Variants in KCNQ1 observed in about 807,000 individuals in gnomAD.
The protein encoded by KCNQ1 is potassium voltage-gated channel subfamily KQT member 1.
Under a neutral mutation model 72.4 loss-of-function variants are expected in KCNQ1, and 49 were observed. That is an observed-to-expected ratio of 0.68 (90% CI 0.54 to 0.86). The LOEUF (loss-of-function observed/expected upper bound fraction) is 0.86, where lower values mean the gene tolerates loss of function less well. Ranked by LOEUF, KCNQ1 falls within the 40% of genes least tolerant of loss-of-function variation. The pLI is 0.00. For synonymous variants in KCNQ1, 450 were observed against 412.6 expected (o/e 1.09, Z -1.10); for missense variants, 790 against 945.1 (o/e 0.84, Z 2.15).
At chr11:2,574,089 C>T (rs761755358) in intron 6 of KCNQ1, among the ~76,000 whole-genome samples, 78 of 152,310 alleles carry the variant, frequency 5.1e-4, no homozygotes, top group South Asian at 2.1e-4. Flanking sequence ...AGGGGGAACA[C>T]GTGGGTACCC....
chr11:2,729,744 G>A (rs777145645), intron 11 of KCNQ1, among the ~76,000 whole-genome samples: 2 of 152,216 alleles, frequency 1.3e-5, no homozygotes, highest in Non-Finnish European at 2.9e-5. Flanking sequence ...GGGGGCTTGA[G>A]TACCTGTGGA....
rs1196659086 is a variant in KCNQ1 at position 2,611,080 on chromosome 11, A to G, written c.1393+22226A>G. 2.5e-6 allele frequency: 1 copy of G among 398,254 alleles called. No homozygotes were observed. Among genetic ancestry groups the G allele is most frequent in the East Asian group, 3.6e-5 (1 of 28,054 alleles). The allele number at this position is 398,254 out of a possible 1,614,324, so 24.7% of individuals were successfully genotyped here. On this transcript the variant is annotated intron_variant, in intron 10 of 15. Transcript: ENST00000155840. The surrounding 1 kb of genome is among the most constrained non-coding windows in gnomAD (Gnocchi z 5.3). ...CTTCAGGGCTGTGTTTTTAGCTGTTATAAATTTTTATTTCTTTATGACTTC... is the reference window on the plus strand; with the variant it reads ...CTTCAGGGCTGTGTTTTTAGCTGTTGTAAATTTTTATTTCTTTATGACTTC...
chr11:2,449,616 G>T (rs903315353), intron 1 of KCNQ1, among the ~76,000 whole-genome samples: 9 of 152,308 alleles, frequency 5.9e-5, no homozygotes, highest in African/African-American at 2.2e-4. Context: ...CCCACCCTAT[G>T]TGTGCTCCAG....
In KCNQ1 at chr11:2,509,897, G is replaced by T. The variant is rs1269207473; in HGVS notation, c.387-18031G>T. ...ATGCCCATGGAGGTGACAAGTGACA[G>T]CCGGGAACAGACCCACTGCCAGGGC... On this transcript the variant is annotated intron_variant, in intron 1 of 15. Coordinates refer to ENST00000155840, the MANE Select transcript of KCNQ1 (RefSeq NM_000218.3). The surrounding 1 kb of genome is among the most constrained non-coding windows in gnomAD (Gnocchi z 6.3). Among the ~76,000 whole-genome samples, 2 of 152,182 alleles carry T rather than the reference G, an allele frequency of 1.3e-5. No homozygotes were observed. Among genetic ancestry groups the T allele is most frequent in the Non-Finnish European group, 2.9e-5 (2 of 68,032 alleles).
chr11:2,587,832 C>T, intron 9 of KCNQ1, 140 bp downstream of exon 9: 1 of 1,218,744 alleles, frequency 8.2e-7, no homozygotes. Context: ...TCGTTCGGGA[C>T]ACTGGGCCAT....
chr11:2,806,121 G>A (rs1277263873), intron 15 of KCNQ1, among the ~76,000 whole-genome samples: 1 of 152,228 alleles, frequency 6.6e-6, no homozygotes, highest in Non-Finnish European at 1.5e-5. Flanking sequence ...GGGGTGGGAG[G>A]TGGTGCCCAA....
intron 15 of KCNQ1, among the ~76,000 whole-genome samples, chr11:2,835,121 G>A (rs1314318459): frequency 3.9e-5 from 6 of 152,176 alleles, no homozygotes; most frequent in South Asian, 2.1e-4. Flanking sequence ...TGGGTCAGCC[G>A]CAGCTGCAAA....
intron 10 of KCNQ1, chr11:2,616,136 A>G: frequency 2.5e-6 from 1 of 397,778 alleles, no homozygotes; most frequent in Non-Finnish European, 4.4e-6. Context: ...GTTGGTATAC[A>G]GTTATTCATA....
Position 2,458,692 on chromosome 11 carries a change from G to GATCT in KCNQ1, c.386+13209_386+13212dup, listed in dbSNP as rs1371873785. ...GGATGGATGGATGGATGGATCGATCGATCTCACCAAGCCTCGTGCTCTAAG... is the reference window on the plus strand; with the variant it reads ...GGATGGATGGATGGATGGATCGATCGATCTATCTCACCAAGCCTCGTGCTCTAAG... On this transcript the variant is annotated intron_variant, in intron 1 of 15. Transcript: ENST00000155840. The surrounding 1 kb of genome is among the most constrained non-coding windows in gnomAD (Gnocchi z 4.6). 2.0e-5 allele frequency among the ~76,000 whole-genome samples: 3 copies of GATCT among 147,430 alleles called. No homozygotes were observed. The highest frequency in any genetic ancestry group is 7.6e-5 in the African/African-American group (3 of 39,380).
intron 15 of KCNQ1, among the ~76,000 whole-genome samples, chr11:2,837,762 G>A (rs1848106093): frequency 6.6e-6 from 1 of 152,236 alleles, no homozygotes; most frequent in African/African-American, 2.4e-5. Flanking sequence ...AGGAGGCAGG[G>A]CCAGCCCATG....
At chr11:2,575,465 G>A (rs982508079) in intron 6 of KCNQ1, among the ~76,000 whole-genome samples, 5 of 152,232 alleles carry the variant, frequency 3.3e-5, no homozygotes, top group Admixed American at 3.3e-4. Context: ...TATGGGCTGT[G>A]TTCCTGGCAT....
At position 2,815,918 on chromosome 11, in the gene KCNQ1, G is replaced by A. The variant is rs754275685; in HGVS notation, c.1795-31849G>A. Among the ~76,000 whole-genome samples the A allele has an allele frequency of 3.3e-5, 5 of 152,196 alleles. No individual in the cohort carries two copies. The highest frequency in any genetic ancestry group is 4.4e-5 in the Non-Finnish European group (3 of 68,036). On this transcript the variant is annotated intron_variant, in intron 15 of 15. Coordinates refer to ENST00000155840, the MANE Select transcript of KCNQ1 (RefSeq NM_000218.3). This position sits in a 1 kb window ranked among gnomAD's most constrained non-coding sequence, Gnocchi z 5.4. ...CCGAAAAATTAAGCACCGCTGAGTCGCCGCACACCTGTCAGGGTGGAGGGG... is the reference window on the plus strand; with the variant it reads ...CCGAAAAATTAAGCACCGCTGAGTCACCGCACACCTGTCAGGGTGGAGGGG...
At chr11:2,577,344 G>T (rs1358028025) in intron 6 of KCNQ1, among the ~76,000 whole-genome samples, 1 of 152,196 alleles carries the variant, frequency 6.6e-6, no homozygotes, top group Non-Finnish European at 1.5e-5. Flanking sequence ...GGACTGTTTC[G>T]GCCCAGGAGC....
At chr11:2,665,464 G>A (rs2283180) in intron 11 of KCNQ1, 1 of 396,682 alleles carries the variant, frequency 2.5e-6, no homozygotes, top group Non-Finnish European at 4.4e-6. Context: ...GCACGACAGT[G>A]GGTGGGGACG....
intron 10 of KCNQ1, chr11:2,610,267 C>A (rs1848957644): frequency 2.5e-6 from 1 of 397,916 alleles, no homozygotes; most frequent in Non-Finnish European, 4.4e-6. Context: ...AGAAGTTATT[C>A]CTGTATGAGT....
In KCNQ1 at chr11:2,657,838, CA is replaced by C. The variant is rs1211321423; in HGVS notation, c.1394-4122del. ...AGTTTGGATTTGTCTGGTGTTTTCT[CA>C]GGACTAGACCAGGGTTATAGGTTTA... On this transcript the variant is annotated intron_variant, in intron 10 of 15. Transcript: ENST00000155840. The surrounding 1 kb of genome is among the most constrained non-coding windows in gnomAD (Gnocchi z 4.8). The C allele has an allele frequency of 1.3e-5, 5 of 398,444 alleles. No homozygotes were observed. Among genetic ancestry groups the C allele is most frequent in the African/African-American group, 1.0e-4 (5 of 48,614 alleles). The allele number at this position is 398,444 out of a possible 1,614,324, so 24.7% of individuals were successfully genotyped here. A position where few individuals can be genotyped will look rare whatever the true frequency, so the allele number is the denominator to read the frequency against.
intron 11 of KCNQ1, among the ~76,000 whole-genome samples, chr11:2,708,018 A>G (rs186376607): frequency 1.3e-5 from 2 of 152,228 alleles, no homozygotes; most frequent in Admixed American, 6.5e-5. Flanking sequence ...TGGGCAGCCA[A>G]CCTCCCAAAG....
At position 2,525,662 on chromosome 11, in the gene KCNQ1, G is replaced by C. The variant is rs945040536; in HGVS notation, c.387-2266G>C. 4.6e-5 allele frequency among the ~76,000 whole-genome samples: 7 copies of C among 152,264 alleles called. No individual in the cohort carries two copies. In the East Asian group the frequency reaches 1.2e-3, roughly 25 times the overall value. On this transcript the variant is annotated intron_variant, in intron 1 of 15. Transcript: ENST00000155840. ...AGTCAGGGGGACTGAGGCCCAAGGA[G>C]GGGTAGGGCTGCATGCCAGCCTTCC...
chr11:2,639,085 C>G (rs2133826414), intron 10 of KCNQ1: 1 of 152,288 alleles, frequency 6.6e-6, no homozygotes, highest in African/African-American at 2.4e-5. Context: ...AAGGACTTCT[C>G]TACACTGGTT....
Sources: allele counts gnomAD v4.1 joint callset (sites outside exome capture counted in the v4.1 genomes callset), GRCh38; gene constraint gnomAD v4.1.1; non-coding constraint Gnocchi (gnomAD v3.1); transcripts MANE v1.5; gene names NCBI Gene and HGNC (gene_info 2026-07-23, HGNC 2026-07-21).